The following LONP2 variants were observed in gnomAD, a reference collection of about 807,000 sequenced individuals.
The protein encoded by LONP2 is lon peptidase 2, peroxisomal.
In LONP2, 60 loss-of-function variants were observed where a neutral mutation model predicts 85.6. The observed-to-expected ratio is 0.70, with a 90% CI of 0.57 to 0.87. LONP2 has a LOEUF of 0.87. Ranked by LOEUF, LONP2 falls within the 40% of genes least tolerant of loss-of-function variation. The pLI, the probability that LONP2 is intolerant of heterozygous loss-of-function variation, is 0.00. For missense variants in LONP2, 860 were observed against 1,063.5 expected (o/e 0.81, Z 2.66); for synonymous variants, 395 against 389.7 (o/e 1.01, Z -0.16).
intron 6 of LONP2, among the ~76,000 whole-genome samples, chr16:48,265,063 A>G (rs572491218): frequency 6.6e-6 from 1 of 152,126 alleles, no homozygotes; most frequent in African/African-American, 2.4e-5. Flanking sequence ...ATAAGCACCT[A>G]TTTGATTTTT....
At chr16:48,297,538 G>T (rs1268717002) in intron 9 of LONP2, among the ~76,000 whole-genome samples, 1 of 152,148 alleles carries the variant, frequency 6.6e-6, no homozygotes, top group Non-Finnish European at 1.5e-5. Flanking sequence ...TTGAACTCCT[G>T]ACCTTAGGTG....
chr16:48,341,078 G>A (rs959834187), intron 12 of LONP2, among the ~76,000 whole-genome samples: 6 of 152,138 alleles, frequency 3.9e-5, no homozygotes, highest in Admixed American at 6.5e-5. Context: ...AAGGGCAGGC[G>A]GATCATGAGG....
At chr16:48,301,684 C>G (rs1322598203) in intron 10 of LONP2, among the ~76,000 whole-genome samples, 3 of 152,062 alleles carry the variant, frequency 2.0e-5, no homozygotes, top group Non-Finnish European at 4.4e-5. Context: ...CCAGGCTGGC[C>G]TGGAACTCCT....
chr16:48,308,628 CAAAA>C (rs545067276), intron 11 of LONP2, among the ~76,000 whole-genome samples: 2 of 68,866 alleles, frequency 2.9e-5, no homozygotes. Flanking sequence ...GACTCTGTCT[CAAAA>C]AAAAAAAAAA....
chr16:48,324,136 A>G (rs1430104249), intron 11 of LONP2, among the ~76,000 whole-genome samples: 1 of 152,170 alleles, frequency 6.6e-6, no homozygotes, highest in Non-Finnish European at 1.5e-5. Flanking sequence ...TACCATGGGA[A>G]GGTCCTTAGA....
intron 2 of LONP2, among the ~76,000 whole-genome samples, chr16:48,253,113 T>C (rs16946031): frequency 0.012 from 1,858 of 152,268 alleles, 38 homozygotes; most frequent in African/African-American, 0.042. Flanking sequence ...GCCAGTGGTA[T>C]TTGTATCTGA....
intron 12 of LONP2, among the ~76,000 whole-genome samples, chr16:48,340,338 C>G (rs144873537): frequency 6.6e-6 from 1 of 152,030 alleles, no homozygotes; most frequent in Admixed American, 6.6e-5. Flanking sequence ...CCCAGTAATA[C>G]TAAAAAAGAA....
chr16:48,257,819 C>G (rs975212877), intron 3 of LONP2, among the ~76,000 whole-genome samples: 2 of 152,208 alleles, frequency 1.3e-5, no homozygotes, highest in Non-Finnish European at 2.9e-5. Context: ...CAGAGAGCCC[C>G]CTGGCTGTGG....
chr16:48,274,184 G>C (rs1034906478), intron 7 of LONP2, among the ~76,000 whole-genome samples: 1 of 152,084 alleles, frequency 6.6e-6, no homozygotes, highest in Non-Finnish European at 1.5e-5. Context: ...TAATGTAAGT[G>C]CAGTCAGTTA....
At chr16:48,341,626 C>A (rs1421258749) in intron 12 of LONP2, among the ~76,000 whole-genome samples, 1 of 152,208 alleles carries the variant, frequency 6.6e-6, no homozygotes, top group Non-Finnish European at 1.5e-5. Flanking sequence ...TTGGTGGAGA[C>A]ACAGATCCAA....
rs572853469 is a variant in LONP2 at position 48,269,550 on chromosome 16, G to T, written c.983-466G>T. On this transcript the variant is annotated intron_variant, in intron 6 of 14. Coordinates refer to ENST00000285737, the MANE Select transcript of LONP2 (RefSeq NM_031490.5). ...TTTGTAAATGCACGCACACAGCCTG[G>T]AATTACACATACTGAAGTAAAGGTA... Among the ~76,000 whole-genome samples, 9 of 152,238 alleles carry T rather than the reference G, an allele frequency of 5.9e-5. No individual in the cohort carries two copies. In the South Asian group the frequency reaches 1.5e-3, roughly 25 times the overall value.
chr16:48,358,641 A>C (rs533365443), downstream of LONP2, among the ~76,000 whole-genome samples: 126 of 152,182 alleles, frequency 8.3e-4, no homozygotes, highest in African/African-American at 3.0e-3. Flanking sequence ...TGGGCAACAT[A>C]GCGAGACCCC....
intron 7 of LONP2, among the ~76,000 whole-genome samples, chr16:48,274,221 A>G (rs1972159500): frequency 6.6e-6 from 1 of 152,164 alleles, no homozygotes; most frequent in Non-Finnish European, 1.5e-5. Flanking sequence ...TAAACTGACC[A>G]CCTATTGTGC....
chr16:48,307,131 A>C (rs760255026), intron 11 of LONP2, among the ~76,000 whole-genome samples: 40 of 152,232 alleles, frequency 2.6e-4, no homozygotes, highest in Non-Finnish European at 5.4e-4. Context: ...AGACTAAATA[A>C]TAGCAGGGAG....
chr16:48,283,995 A>G (rs1017482859), intron 8 of LONP2, among the ~76,000 whole-genome samples: 2 of 152,186 alleles, frequency 1.3e-5, no homozygotes, highest in Middle Eastern at 3.2e-3. Flanking sequence ...TCCAGCCCTC[A>G]TGGATGACTT....
intron 11 of LONP2, 34 bp from the exon 12 acceptor site, chr16:48,334,182 T>G (rs1266238991): frequency 6.2e-7 from 1 of 1,602,270 alleles, no homozygotes; most frequent in South Asian, 1.1e-5. Flanking sequence ...TGCAAATCTC[T>G]TAGAACTTCT....
chr16:48,305,341 G>A (rs755636879), intron 11 of LONP2, among the ~76,000 whole-genome samples: 1 of 152,142 alleles, frequency 6.6e-6, no homozygotes, highest in Non-Finnish European at 1.5e-5. Flanking sequence ...TGCAACCTCC[G>A]TCTCCGAGGT....
At chr16:48,317,834 C>G (rs921020578) in intron 11 of LONP2, among the ~76,000 whole-genome samples, 2 of 152,164 alleles carry the variant, frequency 1.3e-5, no homozygotes, top group Non-Finnish European at 1.5e-5. Context: ...GACCACAAAG[C>G]TTTGGCTGGC....
In LONP2 at chr16:48,356,512, T is replaced by TAA. The variant is rs535516550; in HGVS notation, c.*4730_*4731dup. The TAA allele has an allele frequency of 3.7e-3, 301 of 82,080 alleles. 2 individuals carry two copies. The highest frequency in any genetic ancestry group is 9.7e-3 in the African/African-American group (243 of 25,140). 5.1% of individuals were successfully genotyped at this position (82,080 alleles called of 1,614,324 possible). A position where few individuals can be genotyped will look rare whatever the true frequency, so the allele number is the denominator to read the frequency against. The stretch of plus-strand genomic sequence containing the variant: ...TGCCATGAAAATTGTATCCAGCAGC[T>TAA]AAAAAAAAAAAAAAAAAAAAAGACT... On this transcript the variant is annotated 3_prime_UTR_variant, in exon 15 of 15. Transcript: ENST00000285737.
Sources: gnomAD v4.1 joint callset for allele counts (sites outside exome capture counted in the v4.1 genomes callset) on GRCh38, gnomAD v4.1.1 for gene constraint, MANE v1.5 for transcripts, NCBI Gene and HGNC (gene_info 2026-07-23, HGNC 2026-07-21) for gene names.